IGF2BP3: variants seen among roughly 807,000 people sequenced by gnomAD.
IGF2BP3 encodes insulin-like growth factor 2 mRNA-binding protein 3.
Under a neutral mutation model 73.8 loss-of-function variants are expected in IGF2BP3, and 9 were observed. The ratio of observed to expected loss-of-function variants is 0.12; its 90% confidence interval spans 0.07 to 0.21. IGF2BP3 has a LOEUF of 0.21. IGF2BP3 is among the 10% of genes least tolerant of loss of function. IGF2BP3 has a pLI of 1.00. For synonymous variants in IGF2BP3, 258 were observed against 256.7 expected (o/e 1.01, Z -0.05); for missense variants, 542 against 714.0 (o/e 0.76, Z 2.75).
chr7:23,447,353 G>GGTC (rs1289290691), intron 2 of IGF2BP3, among the ~76,000 whole-genome samples: 1 of 151,844 alleles, frequency 6.6e-6, no homozygotes, highest in African/African-American at 2.4e-5. Flanking sequence ...AAGGATTACA[G>GGTC]GTCGCTCATG....
At chr7:23,374,174 T>C (rs77911468) in intron 3 of IGF2BP3, among the ~76,000 whole-genome samples, 2,970 of 152,256 alleles carry the variant, frequency 0.02, 102 homozygotes, top group East Asian at 0.13. Flanking sequence ...TCTACACCCA[T>C]GTTCATGGGA....
At chr7:23,437,096 G>A (rs1373818373) in intron 2 of IGF2BP3, among the ~76,000 whole-genome samples, 1 of 151,962 alleles carries the variant, frequency 6.6e-6, no homozygotes, top group Non-Finnish European at 1.5e-5. Context: ...TCCAGCCTGG[G>A]CGATAGAGTC....
At position 23,331,628 on chromosome 7, in the gene IGF2BP3, G is replaced by A. The variant is rs535047810; in HGVS notation, c.1203+10436C>T. Among the ~76,000 whole-genome samples, 26 of 151,764 alleles carry A rather than the reference G, an allele frequency of 1.7e-4. 1 individual carries two copies. Among genetic ancestry groups the A allele is most frequent in the African/African-American group, 5.6e-4 (23 of 41,124 alleles). ...TAATCCTAACACTTTGGAAGGCCAA[G>A]GTGGGTGGATCACCTGAGGTCAGGA... is the stretch of plus-strand genomic sequence containing the variant. On this transcript the variant is annotated intron_variant, in intron 10 of 14. Transcript: ENST00000258729.
chr7:23,401,070 T>C (rs1786645907), intron 3 of IGF2BP3, among the ~76,000 whole-genome samples: 1 of 152,212 alleles, frequency 6.6e-6, no homozygotes, highest in African/African-American at 2.4e-5. Flanking sequence ...GTGCTGGAAT[T>C]ACAGGTGTGA....
rs113921760 is a variant in IGF2BP3, at chr7:23,310,966, G to A, written c.*1396C>T. The A allele has an allele frequency of 3.3e-5, 5 of 152,154 alleles. No individual in the cohort carries two copies. Among genetic ancestry groups the A allele is most frequent in the Admixed American group, 6.5e-5 (1 of 15,284 alleles). The allele number at this position is 152,154 out of a possible 1,614,324, so 9.4% of individuals were successfully genotyped here. On this transcript the variant is annotated 3_prime_UTR_variant, in exon 15 of 15. Coordinates refer to ENST00000258729, the MANE Select transcript of IGF2BP3 (RefSeq NM_006547.3). The stretch of plus-strand genomic sequence containing the variant: ...TGTCAAGGAGTGAGCAAATGAGTTC[G>A]TTATCAAAGGTCATATGTTTTCACA...
chr7:23,432,210 C>T (rs1384111153), intron 2 of IGF2BP3, among the ~76,000 whole-genome samples: 1 of 152,182 alleles, frequency 6.6e-6, no homozygotes, highest in African/African-American at 2.4e-5. Context: ...TGGATGAAAA[C>T]TTGACTGACG....
intron 10 of IGF2BP3, among the ~76,000 whole-genome samples, chr7:23,337,059 C>T (rs546327099): frequency 4.6e-5 from 7 of 152,154 alleles, no homozygotes; most frequent in African/African-American, 1.7e-4. Context: ...GTGGTGACCA[C>T]TAGGTACACA....
intron 3 of IGF2BP3, among the ~76,000 whole-genome samples, chr7:23,375,347 A>G (rs1187322721): frequency 6.6e-6 from 1 of 152,080 alleles, no homozygotes; most frequent in Non-Finnish European, 1.5e-5. Context: ...TTGATCTGCT[A>G]TCTTTCTTTC....
chr7:23,449,452 G>C (rs1788142884), intron 2 of IGF2BP3, among the ~76,000 whole-genome samples: 1 of 151,858 alleles, frequency 6.6e-6, no homozygotes, highest in Non-Finnish European at 1.5e-5. Context: ...GGGAGGCAGA[G>C]CTTGCAGTGA....
chr7:23,395,078 G>A (rs756865627), intron 3 of IGF2BP3, among the ~76,000 whole-genome samples: 9 of 152,188 alleles, frequency 5.9e-5, no homozygotes, highest in Non-Finnish European at 8.8e-5. Context: ...TGGAGGCACA[G>A]CCTGCTCAAT....
At chr7:23,386,109 T>C (rs964499083) in intron 3 of IGF2BP3, among the ~76,000 whole-genome samples, 1 of 152,164 alleles carries the variant, frequency 6.6e-6, no homozygotes, top group African/African-American at 2.4e-5. Context: ...AAGCTGATAA[T>C]TGAAGTTAGG....
intron 3 of IGF2BP3, among the ~76,000 whole-genome samples, chr7:23,394,917 G>A (rs1271479943): frequency 6.6e-6 from 1 of 152,212 alleles, no homozygotes; most frequent in Non-Finnish European, 1.5e-5. Flanking sequence ...GCAACTTCAA[G>A]TAGTGGTAAA....
intron 2 of IGF2BP3, among the ~76,000 whole-genome samples, chr7:23,455,249 C>G (rs537234207): frequency 6.6e-6 from 1 of 152,240 alleles, no homozygotes; most frequent in Non-Finnish European, 1.5e-5. Flanking sequence ...CAGCTGCCCT[C>G]TCCGCTCAGC....
chr7:23,390,944 A>AC (rs1232923586), intron 3 of IGF2BP3, among the ~76,000 whole-genome samples: 6 of 148,360 alleles, frequency 4.0e-5, no homozygotes, highest in Non-Finnish European at 7.5e-5. Context: ...GATCACAAGC[A>AC]CCCACCACTA....
At chr7:23,319,376 G>T in intron 10 of IGF2BP3, 122 bp from the exon 11 acceptor site, 4 of 658,134 alleles carry the variant, frequency 6.1e-6, no homozygotes, top group Non-Finnish European at 1.1e-5. Flanking sequence ...TTAAGGAAAA[G>T]CTACCATAAG....
At chr7:23,464,797 A>G (rs1286738778) in intron 2 of IGF2BP3, among the ~76,000 whole-genome samples, 2 of 151,980 alleles carry the variant, frequency 1.3e-5, no homozygotes, top group African/African-American at 4.8e-5. Context: ...TATTAACTAT[A>G]ATATCCTATT....
chr7:23,428,536 T>C (rs1231368405), intron 2 of IGF2BP3, among the ~76,000 whole-genome samples: 1 of 148,320 alleles, frequency 6.7e-6, no homozygotes, highest in Non-Finnish European at 1.5e-5. Context: ...AAAATATATA[T>C]ATATAATATA....
At chr7:23,321,794 C>A (rs2128493757) in intron 10 of IGF2BP3, among the ~76,000 whole-genome samples, 2 of 152,318 alleles carry the variant, frequency 1.3e-5, no homozygotes, top group South Asian at 4.1e-4. Context: ...AACTGGGAGG[C>A]ACCCCCCAGC....
intron 10 of IGF2BP3, among the ~76,000 whole-genome samples, chr7:23,320,947 C>CA (rs70966008): frequency 0.038 from 3,692 of 96,072 alleles, 149 homozygotes; most frequent in African/African-American, 0.092. Context: ...AACTCTGTCT[C>CA]AAAAAAAAAA....
Sources: allele counts gnomAD v4.1 joint callset (sites outside exome capture counted in the v4.1 genomes callset), GRCh38; gene constraint gnomAD v4.1.1; transcripts MANE v1.5; gene names NCBI Gene and HGNC (gene_info 2026-07-23, HGNC 2026-07-21).